NOX5: variants seen among roughly 807,000 people sequenced by gnomAD.
The protein encoded by NOX5 is NADPH oxidase 5.
NOX5 carries 76 observed loss-of-function variants against 85.7 expected under a neutral mutation model. The observed-to-expected ratio is 0.89, with a 90% CI of 0.74 to 1.07. NOX5 has a LOEUF of 1.07. Ranked by LOEUF, NOX5 falls within the 50% of genes least tolerant of loss-of-function variation. NOX5 has a pLI of 0.00. For synonymous variants in NOX5, 405 were observed against 401.4 expected (o/e 1.01, Z -0.11); for missense variants, 973 against 999.5 (o/e 0.97, Z 0.36).
At chr15:69,049,191 T>G in intron 14 of NOX5, 133 bp downstream of exon 14, 1 of 437,998 alleles carries the variant, frequency 2.3e-6, no homozygotes, top group Non-Finnish European at 3.9e-6. Context: ...GAACCCAGAG[T>G]CTTTTTTTTT....
In NOX5 at chr15:69,035,524, AG is replaced by A. The variant is rs761770904; in HGVS notation, c.1009+20del. 1.6e-5 allele frequency: 26 copies of A among 1,609,600 alleles called. No homozygotes were observed. The highest frequency in any genetic ancestry group is 1.6e-4 in the Middle Eastern group (1 of 6,062). On this transcript the variant is annotated intron_variant, in intron 6 of 15. Coordinates refer to ENST00000388866, the MANE Select transcript of NOX5 (RefSeq NM_024505.4). Reference sequence around the variant, plus strand: ...TGAACTTTGGTGAGTGATCTGGGGCAGGGTTGGGTCGGGGAGAAGCTTGAGC... The same window carrying A: ...TGAACTTTGGTGAGTGATCTGGGGCAGGTTGGGTCGGGGAGAAGCTTGAGC...
rs74020585 is a variant in NOX5 at position 69,055,312 on chromosome 15, G to A, written c.2000-22G>A. The A allele has an allele frequency of 1.6e-3, 2,610 of 1,612,566 alleles. 45 individuals carry two copies. The African/African-American group carries it at 0.03, about 19-fold the overall frequency. ...TGATGGGTACTAGACCCTCAGTGCAGCCCTTGTCCCCTGCCCAACAGGCCG... is the reference window on the plus strand; with the variant it reads ...TGATGGGTACTAGACCCTCAGTGCAACCCTTGTCCCCTGCCCAACAGGCCG... On this transcript the variant is annotated intron_variant, in intron 14 of 15. Coordinates refer to ENST00000388866, the MANE Select transcript of NOX5 (RefSeq NM_024505.4).
At chr15:69,038,756 T>C in intron 8 of NOX5, 101 bp from the exon 9 acceptor site, 1 of 1,527,742 alleles carries the variant, frequency 6.5e-7, no homozygotes. Context: ...CATGCCTGTT[T>C]TATGGAGGAG....
At chr15:69,033,711 T>C (rs1279970793) in intron 5 of NOX5, among the ~76,000 whole-genome samples, 1 of 149,794 alleles carries the variant, frequency 6.7e-6, no homozygotes, top group Non-Finnish European at 1.5e-5. Context: ...CTTTTTTTTT[T>C]TTTTTTGAGA....
chr15:69,042,621 C>T (rs775602595), intron 9 of NOX5, 42 bp from the exon 10 acceptor site: 139 of 1,588,818 alleles, frequency 8.7e-5, no homozygotes, highest in Non-Finnish European at 7.7e-6. Flanking sequence ...TGGTGCCGGT[C>T]ACTATGGACC....
intron 14 of NOX5, among the ~76,000 whole-genome samples, chr15:69,049,372 G>C (rs562553506): frequency 2.0e-5 from 3 of 150,686 alleles, no homozygotes; most frequent in Admixed American, 6.6e-5. Context: ...TTTTTTTCTC[G>C]TAGAGATGAA....
At chr15:69,045,170 A>G (rs1278614273) in intron 10 of NOX5, among the ~76,000 whole-genome samples, 1 of 152,278 alleles carries the variant, frequency 6.6e-6, no homozygotes, top group African/African-American at 2.4e-5. Context: ...AGTATGACAC[A>G]TCACTTGGAT....
chr15:69,033,294 C>T lies in NOX5; in HGVS notation c.855+17C>T. 1.3e-6 allele frequency: 2 copies of T among 1,589,440 alleles called. No homozygotes were observed. Among genetic ancestry groups the T allele is most frequent in the Non-Finnish European group, 1.7e-6 (2 of 1,176,622 alleles). On this transcript the variant is annotated intron_variant, in intron 5 of 15. Transcript: ENST00000388866. ...TTCATCGCGGTAGGCTCTGCCAGCACACGGTGCTCTGAAAATGTTAATTAG... is the reference window on the plus strand; with the variant it reads ...TTCATCGCGGTAGGCTCTGCCAGCATACGGTGCTCTGAAAATGTTAATTAG...
rs1210798015 is a variant in NOX5 at position 69,056,551 on chromosome 15, C to T, written c.2167-14C>T. 1.2e-6 allele frequency: 2 copies of T among 1,611,442 alleles called. No individual in the cohort carries two copies. The highest frequency in any genetic ancestry group is 1.7e-6 in the Non-Finnish European group (2 of 1,179,640). ...TATCTTCCCTCTTCTCTTCCTCAAC[C>T]CCACTGACTCCAGGTGTTCCAGAAA... On this transcript the variant is annotated splice_polypyrimidine_tract_variant and intron_variant, in intron 15 of 15. Coordinates refer to ENST00000388866, the MANE Select transcript of NOX5 (RefSeq NM_024505.4).
rs554321271 is a variant in NOX5, at chr15:69,056,773, G to A, written c.*77G>A. 3.2e-6 allele frequency: 5 copies of A among 1,553,898 alleles called. No individual in the cohort carries two copies. In the African/African-American group the frequency reaches 4.1e-5, roughly 13 times the overall value. On this transcript the variant is annotated 3_prime_UTR_variant, in exon 16 of 16. Transcript: ENST00000388866. ...GCATTAGTATAAATGCCCCCACAGG[G>A]ACCAGCCTCAGATGACCCACCCAAT...
intron 5 of NOX5, among the ~76,000 whole-genome samples, chr15:69,034,156 G>A (rs975547895): frequency 2.0e-5 from 3 of 152,074 alleles, no homozygotes; most frequent in Non-Finnish European, 2.9e-5. Context: ...GCTCAGATAC[G>A]CTTCTGGATA....
rs1214209867 is a variant in NOX5 at position 69,047,471 on chromosome 15, C to T, written c.1751C>T (p.Ala584Val). ...PTRRIFASEH[A>V]VLIGAGIGIT... ...CGCAGGATCTTTGCCTCTGAGCATG[C>T]CGTGCTCATCGGGGCAGGCATCGGC... is the stretch of plus-strand genomic sequence containing the variant. The change falls in exon 12 of 16, where the codon GCC becomes GTC. Residue 584 changes from alanine to valine, a missense_variant. Transcript: ENST00000388866. 6.2e-7 allele frequency: 1 copy of T among 1,613,948 alleles called. No individual in the cohort carries two copies.
chr15:69,036,979 C>G, intron 7 of NOX5, 49 bp from the exon 8 acceptor site: 1 of 1,470,174 alleles, frequency 6.8e-7, no homozygotes, highest in Non-Finnish European at 9.5e-7. Flanking sequence ...TCTGTTCCAC[C>G]CCCCAGGCCT....
At position 69,031,717 on chromosome 15, in the gene NOX5, A is replaced by G; in HGVS notation, c.525A>G (p.Glu175=). 1.9e-6 allele frequency: 3 copies of G among 1,613,118 alleles called. No homozygotes were observed. The highest frequency in any genetic ancestry group is 2.5e-6 in the Non-Finnish European group (3 of 1,179,774). Residue 175 remains glutamate (E), a synonymous_variant, in exon 4 of 16, where the codon GAA becomes GAG. Transcript: ENST00000388866. The part of the protein sequence containing the change: ...KLDQLTLALF[E]SADADGNGAI... ...ACCAGCTGACGCTGGCGCTCTTCGA[A>G]TCGGCCGACGCGGACGGCAACGGGG...
chr15:69,054,919 C>T (rs1260996923), intron 14 of NOX5, among the ~76,000 whole-genome samples: 1 of 152,184 alleles, frequency 6.6e-6, no homozygotes, highest in Non-Finnish European at 1.5e-5. Flanking sequence ...TGCATTTCTT[C>T]TTCTATAAAT....
At chr15:69,016,646 A>C (rs931773403) in intron 1 of NOX5, among the ~76,000 whole-genome samples, 30 of 152,178 alleles carry the variant, frequency 2.0e-4, no homozygotes, top group Admixed American at 6.5e-4. Flanking sequence ...AAAGGTGTAC[A>C]TACCTAATCA....
At chr15:69,021,802 C>T (rs555426488) in intron 1 of NOX5, among the ~76,000 whole-genome samples, 2 of 152,204 alleles carry the variant, frequency 1.3e-5, no homozygotes, top group South Asian at 2.1e-4. Flanking sequence ...GGGTTTTATT[C>T]TCTCTTTTAT....
intron 1 of NOX5, among the ~76,000 whole-genome samples, chr15:69,019,949 C>A (rs1176023052): frequency 6.6e-6 from 1 of 152,152 alleles, no homozygotes; most frequent in Non-Finnish European, 1.5e-5. Context: ...TTATAAATCC[C>A]ATTTCCCCAG....
chr15:69,025,538 T>C (rs2050346797), intron 1 of NOX5, among the ~76,000 whole-genome samples: 2 of 152,182 alleles, frequency 1.3e-5, no homozygotes, highest in Admixed American at 1.3e-4. Context: ...GCTCTGTGCA[T>C]GTCCACAGAT....
Sources: allele counts gnomAD v4.1 joint callset (sites outside exome capture counted in the v4.1 genomes callset), GRCh38; gene constraint gnomAD v4.1.1; transcripts MANE v1.5; gene names NCBI Gene and HGNC (gene_info 2026-07-23, HGNC 2026-07-21).